Variants in C1orf105 observed in about 807,000 individuals in gnomAD.
C1orf105 encodes uncharacterized protein C1orf105.
A neutral mutation model predicts 20.8 loss-of-function variants in C1orf105; 17 were observed. The ratio of observed to expected loss-of-function variants is 0.82; its 90% CI spans 0.56 to 1.23. C1orf105 has a LOEUF of 1.23. C1orf105 is among the 50% of genes most tolerant of loss of function. The probability of loss-of-function intolerance (pLI) is 0.00; values close to 1 mark genes in which losing one functional copy is unlikely to be tolerated. For synonymous variants in C1orf105, 72 were observed against 72.1 expected, an observed-to-expected ratio of 1.00 and a Z score of 0.01; for missense variants, 219 against 213.5, an observed-to-expected ratio of 1.03 and a Z score of -0.16.
chr1:172,468,378 T>G, intron 6 of C1orf105, 71 bp from the exon 7 acceptor site: 1 of 1,238,504 alleles, frequency 8.1e-7, no homozygotes, highest in Non-Finnish European at 1.1e-6. Context: ...GGCCTGTGGT[T>G]ATTTTGAGCT....
chr1:172,449,232 G>T (rs1328856070), intron 3 of C1orf105, among the ~76,000 whole-genome samples: 1 of 152,088 alleles, frequency 6.6e-6, no homozygotes, highest in African/African-American at 2.4e-5. Flanking sequence ...GTTTACGGAG[G>T]CCTTTGTATT....
rs192259070 is a variant in C1orf105, at chr1:172,434,118, C to T, written c.22-10955C>T. Among the ~76,000 whole-genome samples, 408 of 152,236 alleles carry T rather than the reference C, an allele frequency of 2.7e-3. 2 individuals are homozygous for T. Among genetic ancestry groups the T allele is most frequent in the African/African-American group, 9.1e-3 (377 of 41,534 alleles). ...GATTCATAAAGCAAGTCCTTAGAGA[C>T]CTACAAAGAGGCTTAGACTCCAACA... On this transcript the variant is annotated intron_variant, in intron 1 of 6. Transcript: ENST00000367727.
intron 2 of C1orf105, among the ~76,000 whole-genome samples, chr1:172,446,886 C>A (rs1296714330): frequency 6.6e-6 from 1 of 152,284 alleles, no homozygotes; most frequent in East Asian, 1.9e-4. Flanking sequence ...GGAGAAATTA[C>A]CTTAGGCAGG....
intron 1 of C1orf105, chr1:172,430,349 T>G (rs113575754): frequency 0.011 from 8,002 of 700,450 alleles, 81 homozygotes; most frequent in Non-Finnish European, 0.015. Flanking sequence ...AGCCTCATCA[T>G]CCTTCTGATG....
intron 1 of C1orf105, among the ~76,000 whole-genome samples, chr1:172,427,858 A>C (rs888063701): frequency 3.3e-5 from 5 of 152,182 alleles, no homozygotes; most frequent in African/African-American, 1.2e-4. Flanking sequence ...GTCTCACAGC[A>C]TTAAATATCA....
intron 3 of C1orf105, among the ~76,000 whole-genome samples, chr1:172,451,342 T>C (rs1346579263): frequency 6.6e-6 from 1 of 152,248 alleles, no homozygotes; most frequent in African/African-American, 2.4e-5. Context: ...CTATTTATTT[T>C]GCTTTTAGCA....
chr1:172,463,960 T>C (rs1056769334), intron 5 of C1orf105, among the ~76,000 whole-genome samples: 3 of 152,236 alleles, frequency 2.0e-5, no homozygotes, highest in African/African-American at 7.2e-5. Flanking sequence ...ACCTCTAACT[T>C]TTCCAAATTT....
At chr1:172,443,907 CT>C in intron 1 of C1orf105, 1 of 967,910 alleles carries the variant, frequency 1.0e-6, no homozygotes, top group South Asian at 4.9e-5. Context: ...GCCGCCGCCC[CT>C]CACTCAGCCT....
At chr1:172,434,115 A>G (rs1280973238) in intron 1 of C1orf105, among the ~76,000 whole-genome samples, 1 of 152,216 alleles carries the variant, frequency 6.6e-6, no homozygotes, top group Non-Finnish European at 1.5e-5. Context: ...AAGTCCTTAG[A>G]GACCTACAAA....
intron 1 of C1orf105, among the ~76,000 whole-genome samples, chr1:172,422,437 T>C (rs2149153553): frequency 6.6e-6 from 1 of 152,252 alleles, no homozygotes; most frequent in African/African-American, 2.4e-5. Flanking sequence ...TTTCATCACA[T>C]GCTGAATAAA....
At chr1:172,438,858 G>T (rs996875924) in intron 1 of C1orf105, among the ~76,000 whole-genome samples, 2 of 152,126 alleles carry the variant, frequency 1.3e-5, no homozygotes, top group Non-Finnish European at 2.9e-5. Flanking sequence ...CCACCCTTAT[G>T]TCAGCAGCCA....
At chr1:172,431,053 G>T in intron 1 of C1orf105, 1 of 649,840 alleles carries the variant, frequency 1.5e-6, no homozygotes, top group East Asian at 2.8e-5. Flanking sequence ...CTCTTCTTGG[G>T]CCTCCCTATT....
In C1orf105 at chr1:172,466,573, TACACACAC is replaced by T. The variant is rs3980398; in HGVS notation, c.406+1246_406+1253del. ...CTGCATTGCAAAGGAATGAATCACA[TACACACAC>T]ACACACACACACACACACACACACA... On this transcript the variant is annotated intron_variant, in intron 6 of 6. Transcript: ENST00000367727. Among the ~76,000 whole-genome samples, 725 of 147,286 alleles carry T rather than the reference TACACACAC, an allele frequency of 4.9e-3. 10 individuals are homozygous for T. The highest frequency in any genetic ancestry group is 0.016 in the African/African-American group (648 of 40,066).
chr1:172,441,391 A>ACACACACACACACACACACT (rs1374364721), intron 1 of C1orf105: 1 of 174,196 alleles, frequency 5.7e-6, no homozygotes, highest in African/African-American at 2.6e-5. Context: ...ACACACACAC[A>ACACACACACACACACACACT]CTTACTTCAC....
At chr1:172,460,206 A>G (rs16844484) in intron 4 of C1orf105, among the ~76,000 whole-genome samples, 2,387 of 152,346 alleles carry the variant, frequency 0.016, 70 homozygotes, top group African/African-American at 0.054. Context: ...GATATCATAA[A>G]CACCGATAAA....
At chr1:172,424,687 G>A (rs1558122057) in intron 1 of C1orf105, among the ~76,000 whole-genome samples, 4 of 152,118 alleles carry the variant, frequency 2.6e-5, no homozygotes, top group East Asian at 1.9e-4. Context: ...CACCGTGCCC[G>A]GCCTCCTTGT....
chr1:172,430,954 C>A (rs1052466085), intron 1 of C1orf105: 19 of 430,704 alleles, frequency 4.4e-5, no homozygotes, highest in Admixed American at 2.4e-4. Context: ...TGGGGTACCA[C>A]AAACTATACC....
At chr1:172,438,628 C>T (rs879781197) in intron 1 of C1orf105, among the ~76,000 whole-genome samples, 1 of 152,154 alleles carries the variant, frequency 6.6e-6, no homozygotes, top group Non-Finnish European at 1.5e-5. Flanking sequence ...GTTGAAATAA[C>T]AATTTTTAGA....
intron 1 of C1orf105, among the ~76,000 whole-genome samples, chr1:172,422,388 A>T (rs1007134721): frequency 6.6e-6 from 1 of 152,188 alleles, no homozygotes; most frequent in African/African-American, 2.4e-5. Context: ...CTGGGCCAAA[A>T]GGGAACTGCC....
Sources: gnomAD v4.1 joint callset for allele counts (sites outside exome capture counted in the v4.1 genomes callset) on GRCh38, gnomAD v4.1.1 for gene constraint, MANE v1.5 for transcripts, NCBI Gene and HGNC (gene_info 2026-07-23, HGNC 2026-07-21) for gene names.